The following SEMA3D variants were observed in gnomAD, a reference collection of about 807,000 sequenced individuals.
SEMA3D encodes semaphorin 3D.
In SEMA3D, 84 loss-of-function variants were observed where a neutral mutation model predicts 100.1. The observed-to-expected ratio is 0.84, with a 90% CI of 0.70 to 1.01. The LOEUF is 1.01. Ranked by LOEUF, SEMA3D falls within the 50% of genes least tolerant of loss-of-function variation. The probability of loss-of-function intolerance (pLI) is 0.00; values close to 1 mark genes in which losing one functional copy is unlikely to be tolerated. For missense variants in SEMA3D, 875 were observed against 934.1 expected (o/e 0.94, Z 0.82); for synonymous variants, 312 against 320.7 (o/e 0.97, Z 0.29).
At chr7:85,006,719 A>G (rs1789805826) in intron 18 of SEMA3D, 83 bp downstream of exon 18, 4 of 1,085,128 alleles carry the variant, frequency 3.7e-6, no homozygotes, top group Non-Finnish European at 5.2e-6. Flanking sequence ...TGATGAGAGT[A>G]GCATACAGAA....
At chr7:85,141,788 G>T in intron 2 of SEMA3D, 1 of 774,312 alleles carries the variant, frequency 1.3e-6, no homozygotes, top group South Asian at 5.9e-5. Flanking sequence ...CATAAATCTG[G>T]GAAAAGGCGG....
the SEMA3D span, among the ~76,000 whole-genome samples, chr7:85,227,840 C>T: frequency 2.0e-5 from 3 of 151,930 alleles, no homozygotes; most frequent in South Asian, 2.1e-4. Context: ...CCAGATTGTT[C>T]GTACAATATT....
intron 9 of SEMA3D, among the ~76,000 whole-genome samples, chr7:85,047,537 C>G (rs1386675951): frequency 2.0e-5 from 3 of 151,862 alleles, no homozygotes; most frequent in African/African-American, 4.8e-5. Context: ...ACTTTATAAA[C>G]ATTGTCATTT....
chr7:85,227,440 G>A, the SEMA3D span, among the ~76,000 whole-genome samples: 1 of 152,022 alleles, frequency 6.6e-6, no homozygotes, highest in Non-Finnish European at 1.5e-5. Flanking sequence ...TAACATGTGA[G>A]GGCACAGACA....
chr7:85,059,229 C>T (rs1015558320), intron 8 of SEMA3D, among the ~76,000 whole-genome samples: 4 of 152,084 alleles, frequency 2.6e-5, no homozygotes, highest in Non-Finnish European at 5.9e-5. Context: ...AAATAAAACC[C>T]TATCTATATA....
Position 85,097,939 on chromosome 7 carries a change from G to T in SEMA3D, c.178C>A (p.Pro60Thr), listed in dbSNP as rs1308518909. Residue 60 changes from proline (P) to threonine (T), a missense_variant, in exon 4 of 19, where the codon CCC (proline) becomes ACC (threonine). Transcript: ENST00000284136. ...AGTCCTTCTGATGAACCCAAAAAGG[G>T]AATACAGCTATTTGAAAGCAGCAAG... is the stretch of plus-strand genomic sequence containing the variant. ...KDLLLSNSCI[P>T]FLGSSEGLDF... 3.2e-6 allele frequency: 5 copies of T among 1,586,744 alleles called. No individual in the cohort carries two copies. In the East Asian group the frequency reaches 9.0e-5, roughly 29 times the overall value.
chr7:85,017,860 G>A (rs1790147640), intron 15 of SEMA3D, among the ~76,000 whole-genome samples: 1 of 151,682 alleles, frequency 6.6e-6, no homozygotes. Flanking sequence ...TATGTGATAT[G>A]TGGAAGGTTG....
rs566030656 is a variant in SEMA3D at position 85,047,744 on chromosome 7, T to C, written c.862-5459A>G. Among the ~76,000 whole-genome samples, 31 of 151,970 alleles carry C rather than the reference T, an allele frequency of 2.0e-4. No homozygotes were observed. In the South Asian group the frequency reaches 5.8e-3, roughly 28 times the overall value. On this transcript the variant is annotated intron_variant, in intron 9 of 18. Transcript: ENST00000284136. ...TGAGTTTAAGTTGAAGGACACCAGT[T>C]TCAAATCAATAGAAACTGGATAATG...
At chr7:85,182,231 C>T (rs1303098393) in intron 1 of SEMA3D, among the ~76,000 whole-genome samples, 3 of 151,998 alleles carry the variant, frequency 2.0e-5, no homozygotes, top group African/African-American at 4.8e-5. Context: ...TTCTTATATA[C>T]TCTATCTGAT....
At chr7:85,155,273 G>T (rs1790555834) in intron 1 of SEMA3D, among the ~76,000 whole-genome samples, 1 of 151,924 alleles carries the variant, frequency 6.6e-6, no homozygotes, top group Non-Finnish European at 1.5e-5. Context: ...TAAAAATTTT[G>T]TATTTTCTCT....
intron 1 of SEMA3D, among the ~76,000 whole-genome samples, chr7:85,181,499 T>C (rs180796759): frequency 2.0e-5 from 3 of 152,228 alleles, no homozygotes; most frequent in Admixed American, 6.5e-5. Flanking sequence ...ATAAAATAAA[T>C]AACCATGATA....
the SEMA3D span, among the ~76,000 whole-genome samples, chr7:85,227,484 T>C: frequency 6.6e-6 from 1 of 152,130 alleles, no homozygotes; most frequent in Non-Finnish European, 1.5e-5. Flanking sequence ...AAACAGGCCC[T>C]CACTAGATGT....
rs754821040 is a variant in SEMA3D at position 85,068,256 on chromosome 7, T to C, written c.524A>G (p.Asn175Ser). 13 of 1,602,796 alleles carry C rather than the reference T, an allele frequency of 8.1e-6. No homozygotes were observed. The African/African-American group carries it at 1.7e-4, about 21-fold the overall frequency. Residue 175 changes from asparagine (N) to serine (S), a missense_variant, in exon 7 of 19, where the codon AAT (asparagine) becomes AGT (serine). By Grantham distance (46) the Asn-to-Ser change is conservative. Transcript: ENST00000284136. ...ACATTTCAGTCTGCCAGACTCCAAATTATGTGTGTCTAGTTTGAATATAAT... is the reference window on the plus strand; with the variant it reads ...ACATTTCAGTCTGCCAGACTCCAAACTATGTGTGTCTAGTTTGAATATAAT... Reference protein sequence around the residue: ...EDIIFKLDTHNLESGRLKCPF... With the variant: ...EDIIFKLDTHSLESGRLKCPF...
At chr7:85,196,139 G>C in the SEMA3D span, among the ~76,000 whole-genome samples, 1 of 152,110 alleles carries the variant, frequency 6.6e-6, no homozygotes, top group Middle Eastern at 3.2e-3. Context: ...AAATTTAGCA[G>C]CTTTTTCCCC....
intron 5 of SEMA3D, among the ~76,000 whole-genome samples, chr7:85,074,158 C>A (rs1791855139): frequency 6.6e-6 from 1 of 152,104 alleles, no homozygotes; most frequent in South Asian, 2.1e-4. Flanking sequence ...TCTAGGTTGG[C>A]TTTACCCAGG....
intron 17 of SEMA3D, 132 bp from the exon 18 acceptor site, chr7:85,007,073 T>C: frequency 1.8e-6 from 1 of 570,498 alleles, no homozygotes; most frequent in East Asian, 3.1e-5. Flanking sequence ...AAATTCATGT[T>C]ATAATATTGT....
At chr7:85,025,527 A>G (rs1186198130) in intron 12 of SEMA3D, among the ~76,000 whole-genome samples, 2 of 152,014 alleles carry the variant, frequency 1.3e-5, no homozygotes, top group African/African-American at 2.4e-5. Context: ...TTTTATCCAA[A>G]GAGAGAACTT....
At chr7:85,140,247 T>C (rs1321634070) in intron 2 of SEMA3D, 1 of 822,404 alleles carries the variant, frequency 1.2e-6, no homozygotes, top group Non-Finnish European at 1.5e-6. Flanking sequence ...AATAATTCAT[T>C]TATTAAATAA....
At chr7:85,133,622 G>T (rs1180461996) in intron 2 of SEMA3D, among the ~76,000 whole-genome samples, 1 of 151,830 alleles carries the variant, frequency 6.6e-6, no homozygotes, top group African/African-American at 2.4e-5. Context: ...AATTTTCCAG[G>T]GATTGCTCAG....
Sources: allele counts gnomAD v4.1 joint callset (sites outside exome capture counted in the v4.1 genomes callset), GRCh38; gene constraint gnomAD v4.1.1; transcripts MANE v1.5; gene names NCBI Gene and HGNC (gene_info 2026-07-23, HGNC 2026-07-21).